Variants in DNM3 observed in about 807,000 individuals in gnomAD.
The protein encoded by DNM3 is dynamin 3, also known as dynamin-3.
Under a neutral mutation model 101.6 loss-of-function variants are expected in DNM3, and 47 were observed. The observed-to-expected ratio is 0.46, with a 90% CI of 0.37 to 0.59. The LOEUF is 0.59. DNM3 is among the 20% of genes least tolerant of loss of function. DNM3 has a pLI of 0.00. For synonymous variants in DNM3, 385 were observed against 387.9 expected (o/e 0.99, Z 0.09); for missense variants, 849 against 1,085.7 (o/e 0.78, Z 3.06).
intron 15 of DNM3, among the ~76,000 whole-genome samples, chr1:172,258,222 G>T (rs1257604288): frequency 1.3e-5 from 2 of 151,662 alleles, no homozygotes; most frequent in South Asian, 2.1e-4. Context: ...CTTTGCTATT[G>T]TAAATAGTAC....
intron 1 of DNM3, among the ~76,000 whole-genome samples, chr1:171,856,259 C>T (rs1159622018): frequency 6.6e-6 from 1 of 152,102 alleles, no homozygotes; most frequent in Non-Finnish European, 1.5e-5. Flanking sequence ...CAGTACCATG[C>T]TGTTTGGTTA....
intron 2 of DNM3, among the ~76,000 whole-genome samples, chr1:171,934,381 C>A (rs1312616222): frequency 6.6e-6 from 1 of 152,140 alleles, no homozygotes; most frequent in Non-Finnish European, 1.5e-5. Flanking sequence ...TGAAGTAATT[C>A]CACTAATTTA....
intron 15 of DNM3, among the ~76,000 whole-genome samples, chr1:172,293,402 C>A (rs541529559): frequency 1.3e-5 from 2 of 152,310 alleles, no homozygotes; most frequent in South Asian, 4.1e-4. Flanking sequence ...ATTTCTCATA[C>A]TTCTTTTTTA....
At chr1:171,947,451 A>T (rs892209287) in intron 2 of DNM3, among the ~76,000 whole-genome samples, 8 of 152,176 alleles carry the variant, frequency 5.3e-5, no homozygotes, top group African/African-American at 1.7e-4. Context: ...TTTTTTAAAA[A>T]TGTTACTCAT....
At chr1:171,985,632 TAGAA>T (rs761482124) in intron 2 of DNM3, among the ~76,000 whole-genome samples, 2 of 152,196 alleles carry the variant, frequency 1.3e-5, no homozygotes, top group African/African-American at 2.4e-5. Flanking sequence ...GAAACTAAGA[TAGAA>T]AGAGAAATAC....
intron 2 of DNM3, among the ~76,000 whole-genome samples, chr1:171,961,502 T>A (rs909088203): frequency 6.6e-5 from 10 of 152,140 alleles, no homozygotes; most frequent in Admixed American, 3.3e-4. Flanking sequence ...TTGGTAGGAA[T>A]GGAAATTGGT....
At chr1:172,188,878 C>A (rs2059611526) in intron 14 of DNM3, among the ~76,000 whole-genome samples, 1 of 152,008 alleles carries the variant, frequency 6.6e-6, no homozygotes, top group African/African-American at 2.4e-5. Context: ...GGAGGCCCAA[C>A]TTATTTTTTT....
At chr1:172,134,235 C>T (rs16843899) in intron 14 of DNM3, among the ~76,000 whole-genome samples, 1 of 152,108 alleles carries the variant, frequency 6.6e-6, no homozygotes, top group Non-Finnish European at 1.5e-5. Flanking sequence ...GCTTCTGTTA[C>T]TCATTCAGAA....
chr1:172,077,283 AT>A (rs1391220797), intron 11 of DNM3, among the ~76,000 whole-genome samples: 1 of 151,408 alleles, frequency 6.6e-6, no homozygotes, highest in Non-Finnish European at 1.5e-5. Flanking sequence ...GGATTCATTG[AT>A]TTTTTGAAGG....
intron 17 of DNM3, among the ~76,000 whole-genome samples, chr1:172,368,966 G>A (rs113003321): frequency 1.2e-4 from 18 of 151,822 alleles, no homozygotes; most frequent in Admixed American, 5.9e-4. Context: ...ACAACAATTC[G>A]GTAACGAAAC....
chr1:171,880,486 G>T lies in DNM3; in HGVS notation c.161+38669G>T, dbSNP rs769484757. 9.7e-4 allele frequency among the ~76,000 whole-genome samples: 147 copies of T among 152,216 alleles called. 1 individual carries two copies. The highest frequency in any genetic ancestry group is 2.4e-4 in the Non-Finnish European group (16 of 68,026). Reference sequence around the variant, plus strand: ...AATTGGGATTATTTTTTGGCACAGCGATCATTAATTAGAGCAAATGGAGCA... The same window carrying T: ...AATTGGGATTATTTTTTGGCACAGCTATCATTAATTAGAGCAAATGGAGCA... On this transcript the variant is annotated intron_variant, in intron 1 of 20. Transcript: ENST00000627582.
At chr1:172,063,819 A>G (rs970905973) in intron 10 of DNM3, among the ~76,000 whole-genome samples, 10 of 151,752 alleles carry the variant, frequency 6.6e-5, no homozygotes, top group Middle Eastern at 3.4e-3. Context: ...AATTTGAACT[A>G]TAAGCTATTT....
intron 2 of DNM3, among the ~76,000 whole-genome samples, chr1:171,984,427 C>T (rs1350071487): frequency 4.6e-5 from 7 of 152,168 alleles, no homozygotes; most frequent in African/African-American, 2.4e-5. Flanking sequence ...GCTCCAGCCA[C>T]GTGGACCTGG....
intron 14 of DNM3, among the ~76,000 whole-genome samples, chr1:172,155,196 A>G (rs1263664552): frequency 6.6e-6 from 1 of 151,914 alleles, no homozygotes; most frequent in Non-Finnish European, 1.5e-5. Context: ...CAACCATACA[A>G]TTGTGATTTT....
chr1:172,416,895 G>T (rs1186628432), downstream of DNM3, among the ~76,000 whole-genome samples: 1 of 152,076 alleles, frequency 6.6e-6, no homozygotes, highest in Non-Finnish European at 1.5e-5. Flanking sequence ...CCAATAACAA[G>T]TTCTCCATCA....
intron 11 of DNM3, among the ~76,000 whole-genome samples, chr1:172,071,986 G>C (rs1262131494): frequency 6.6e-6 from 1 of 152,152 alleles, no homozygotes; most frequent in Non-Finnish European, 1.5e-5. Context: ...AATGAGAACA[G>C]CCATAGCTTT....
chr1:172,394,647 G>C (rs1435968522), intron 20 of DNM3, among the ~76,000 whole-genome samples: 1 of 152,154 alleles, frequency 6.6e-6, no homozygotes, highest in Non-Finnish European at 1.5e-5. Flanking sequence ...GCCATTGCAG[G>C]GAAAGCCTTC....
At chr1:172,308,251 T>C (rs1467206453) in intron 15 of DNM3, among the ~76,000 whole-genome samples, 1 of 152,198 alleles carries the variant, frequency 6.6e-6, no homozygotes, top group Admixed American at 6.5e-5. Flanking sequence ...TTATCAGTCT[T>C]TCCTTTTCAC....
intron 17 of DNM3, among the ~76,000 whole-genome samples, chr1:172,344,182 T>C (rs1423465353): frequency 1.3e-5 from 2 of 152,180 alleles, no homozygotes; most frequent in African/African-American, 4.8e-5. Context: ...GAAAGTGACT[T>C]ACATAATTAT....
Sources: allele counts gnomAD v4.1 joint callset (sites outside exome capture counted in the v4.1 genomes callset), GRCh38; gene constraint gnomAD v4.1.1; transcripts MANE v1.5; gene names NCBI Gene and HGNC (gene_info 2026-07-23, HGNC 2026-07-21).